Variants in QKI observed in about 807,000 individuals in gnomAD.
The protein encoded by QKI is QKI, KH domain containing RNA binding.
QKI carries 10 observed loss-of-function variants against 39.0 expected under a neutral mutation model. The observed-to-expected ratio is 0.26, with a 90% CI of 0.16 to 0.43. The LOEUF is 0.43. Ranked by LOEUF, QKI falls within the 20% of genes least tolerant of loss-of-function variation. QKI has a pLI of 1.00. For synonymous variants in QKI, 204 were observed against 155.4 expected, an observed-to-expected ratio of 1.31 and a Z score of -2.33; for missense variants, 218 against 428.0, an observed-to-expected ratio of 0.51 and a Z score of 4.33.
intron 3 of QKI, among the ~76,000 whole-genome samples, chr6:163,518,584 ATTTTGTACC>A (rs1318091969): frequency 1.3e-5 from 2 of 152,186 alleles, no homozygotes; most frequent in Non-Finnish European, 2.9e-5. Flanking sequence ...GGAAGAGAGT[ATTTTGTACC>A]TTTTTGTGAA....
Position 163,563,458 on chromosome 6 carries a change from G to A in QKI, c.673G>A (p.Ala225Thr). The A allele has an allele frequency of 6.2e-7, 1 of 1,613,608 alleles. No individual in the cohort carries two copies. Among genetic ancestry groups the A allele is most frequent in the Non-Finnish European group, 8.5e-7 (1 of 1,179,720 alleles). The change falls in exon 6 of 8, where the codon GCT (alanine) becomes ACT (threonine). Residue 225 changes from alanine (A) to threonine (T), a missense_variant. Ala to Thr is a moderately conservative substitution (Grantham distance 58). Coordinates refer to ENST00000361752, the MANE Select transcript of QKI (RefSeq NM_006775.3). Reference protein sequence around the residue: ...AFSLAATAQAAPRIITGPAPV... With the variant: ...AFSLAATAQATPRIITGPAPV... ...TTCTCTTGCAGCAACAGCCCAGGCT[G>A]CTCCAAGGATCATTACTGGGCCTGC...
chr6:163,570,658 T>TTTTTG, intron 7 of QKI, 36 bp from the exon 8 acceptor site: 6 of 1,606,096 alleles, frequency 3.7e-6, no homozygotes, highest in Non-Finnish European at 5.1e-6. Flanking sequence ...TCTTTTCTTT[T>TTTTTG]TTTTGTTTTG....
chr6:163,417,615 A>G (rs1291976623), intron 1 of QKI, among the ~76,000 whole-genome samples: 1 of 152,112 alleles, frequency 6.6e-6, no homozygotes, highest in Non-Finnish European at 1.5e-5. Flanking sequence ...ACAAAGGCTT[A>G]TTTCTCTCTG....
chr6:163,454,773 T>C (rs1169249942), intron 1 of QKI, among the ~76,000 whole-genome samples: 4 of 152,210 alleles, frequency 2.6e-5, no homozygotes, highest in Non-Finnish European at 5.9e-5. Flanking sequence ...TCTGCTGAAC[T>C]TGCAGTCTGT....
At chr6:163,466,830 G>C (rs1446540382) in intron 2 of QKI, among the ~76,000 whole-genome samples, 3 of 151,962 alleles carry the variant, frequency 2.0e-5, no homozygotes, top group Non-Finnish European at 4.4e-5. Context: ...GATTTTTCTA[G>C]ATATTACACC....
chr6:163,555,168 C>A (rs1394786214), intron 4 of QKI, among the ~76,000 whole-genome samples: 3 of 152,004 alleles, frequency 2.0e-5, no homozygotes, highest in Admixed American at 6.6e-5. Context: ...TTATAGAAAA[C>A]TAATTCATTT....
At chr6:163,453,095 G>GTT (rs975865694) in intron 1 of QKI, among the ~76,000 whole-genome samples, 2 of 138,478 alleles carry the variant, frequency 1.4e-5, no homozygotes, top group Non-Finnish European at 3.2e-5. Context: ...AGATTCTTTT[G>GTT]TTTTTTTTTT....
At chr6:163,476,862 A>C (rs1039104253) in intron 2 of QKI, among the ~76,000 whole-genome samples, 1 of 152,156 alleles carries the variant, frequency 6.6e-6, no homozygotes, top group Admixed American at 6.5e-5. Flanking sequence ...CTGTATGGCA[A>C]ACTTTTTACT....
At chr6:163,509,832 C>T (rs1417273981) in intron 3 of QKI, among the ~76,000 whole-genome samples, 1 of 152,000 alleles carries the variant, frequency 6.6e-6, no homozygotes, top group Non-Finnish European at 1.5e-5. Context: ...AGATAAACAC[C>T]TAATCATTCA....
At chr6:163,443,704 T>C (rs998033526) in intron 1 of QKI, among the ~76,000 whole-genome samples, 2 of 152,250 alleles carry the variant, frequency 1.3e-5, no homozygotes, top group African/African-American at 4.8e-5. Context: ...TTTGCTTTGT[T>C]TATGGTATTA....
intron 3 of QKI, among the ~76,000 whole-genome samples, chr6:163,501,858 T>A (rs1282467550): frequency 6.6e-6 from 1 of 152,206 alleles, no homozygotes; most frequent in Non-Finnish European, 1.5e-5. Flanking sequence ...ATTTATCTGT[T>A]TGGAAGACAT....
chr6:163,487,180 GT>G (rs5881536), intron 3 of QKI, among the ~76,000 whole-genome samples: 116,097 of 148,828 alleles, frequency 0.78, 45,222 homozygotes, highest in East Asian at 0.99. Flanking sequence ...CATGGATATA[GT>G]TTTTTTTTTT....
At chr6:163,456,486 AAG>A (rs960761731) in intron 2 of QKI, among the ~76,000 whole-genome samples, 1 of 152,214 alleles carries the variant, frequency 6.6e-6, no homozygotes, top group African/African-American at 2.4e-5. Flanking sequence ...CAGATGAAAA[AAG>A]GAGTTATTAT....
At chr6:163,429,989 A>C (rs949584703) in intron 1 of QKI, among the ~76,000 whole-genome samples, 8 of 152,136 alleles carry the variant, frequency 5.3e-5, no homozygotes, top group African/African-American at 1.4e-4. Context: ...TTGGCTGAGG[A>C]GGCTATGGAA....
At chr6:163,432,101 A>C (rs537536073) in intron 1 of QKI, among the ~76,000 whole-genome samples, 2 of 152,292 alleles carry the variant, frequency 1.3e-5, no homozygotes, top group African/African-American at 4.8e-5. Flanking sequence ...TAATTGTGTA[A>C]TGTGGCTACC....
intron 2 of QKI, among the ~76,000 whole-genome samples, chr6:163,468,144 C>T (rs78707451): frequency 0.028 from 4,222 of 152,188 alleles, 191 homozygotes; most frequent in African/African-American, 0.096. Context: ...AGAAAATATA[C>T]ATATACGCTT....
At chr6:163,472,169 C>G (rs1460662468) in intron 2 of QKI, among the ~76,000 whole-genome samples, 1 of 152,038 alleles carries the variant, frequency 6.6e-6, no homozygotes, top group East Asian at 1.9e-4. Flanking sequence ...AACAGTTGAT[C>G]AACACATTTT....
chr6:163,532,852 G>A (rs540544051), intron 3 of QKI, among the ~76,000 whole-genome samples: 3 of 152,308 alleles, frequency 2.0e-5, no homozygotes, highest in Non-Finnish European at 2.9e-5. Flanking sequence ...TCCTCATGGA[G>A]TTGTCTGGAG....
chr6:163,420,163 T>C (rs1218200443), intron 1 of QKI, among the ~76,000 whole-genome samples: 1 of 150,682 alleles, frequency 6.6e-6, no homozygotes, highest in African/African-American at 2.4e-5. Flanking sequence ...TCTTTTTTTT[T>C]TTTTTTTTTG....
Sources: allele counts gnomAD v4.1 joint callset (sites outside exome capture counted in the v4.1 genomes callset), GRCh38; gene constraint gnomAD v4.1.1; transcripts MANE v1.5; gene names NCBI Gene and HGNC (gene_info 2026-07-23, HGNC 2026-07-21).